EHD4: variants seen among roughly 807,000 people sequenced by gnomAD.
EHD4 encodes the protein EH domain containing 4, also known as EH domain-containing protein 4.
In EHD4, 37 loss-of-function variants were observed where a neutral mutation model predicts 51.0. The ratio of observed to expected loss-of-function variants is 0.73; its 90% CI spans 0.56 to 0.95. EHD4 has a LOEUF of 0.95. Ranked by LOEUF, EHD4 falls within the 40% of genes least tolerant of loss-of-function variation. EHD4 has a pLI of 0.00. For missense variants in EHD4, 632 were observed against 733.1 expected (o/e 0.86, Z 1.59); for synonymous variants, 297 against 317.3 (o/e 0.94, Z 0.68).
intron 5 of EHD4, among the ~76,000 whole-genome samples, chr15:41,907,870 G>GTGTGTA (rs1271170037): frequency 1.0e-4 from 11 of 107,694 alleles, no homozygotes; most frequent in Non-Finnish European, 2.0e-4. Context: ...GTGTGTGTGT[G>GTGTGTA]TATATATTTA....
chr15:41,951,294 C>T lies in EHD4; in HGVS notation c.413+2470G>A, dbSNP rs1032032500. ...CACATAAATGCCATATAATTATTTG[C>T]TATTATTTTTCTATATGTTATTCTG... On this transcript the variant is annotated intron_variant, in intron 2 of 5. Transcript: ENST00000220325. Among the ~76,000 whole-genome samples the T allele has an allele frequency of 2.6e-5, 4 of 152,254 alleles. No homozygotes were observed. The East Asian group carries it at 7.7e-4, about 29-fold the overall frequency.
intron 3 of EHD4, among the ~76,000 whole-genome samples, chr15:41,920,810 G>C (rs2067619788): frequency 6.6e-6 from 1 of 152,174 alleles, no homozygotes; most frequent in Non-Finnish European, 1.5e-5. Flanking sequence ...AGTTTCAAAA[G>C]GACATATACA....
At chr15:41,909,624 C>A in intron 5 of EHD4, 75 bp downstream of exon 5, 1 of 1,557,710 alleles carries the variant, frequency 6.4e-7, no homozygotes, top group Non-Finnish European at 8.8e-7. Context: ...TCTCATTTGT[C>A]TCCAGCAAAC....
At chr15:41,959,961 CA>C (rs575509600) in intron 1 of EHD4, among the ~76,000 whole-genome samples, 967 of 58,010 alleles carry the variant, frequency 0.017, 3 homozygotes, top group East Asian at 0.062. Flanking sequence ...GACTCCACCT[CA>C]AAAAAAAAAA....
At position 41,909,722 on chromosome 15, in the gene EHD4, A is replaced by G; in HGVS notation, c.1066T>C (p.Phe356Leu). The G allele has an allele frequency of 6.2e-7, 1 of 1,614,168 alleles. No homozygotes were observed. The highest frequency in any genetic ancestry group is 8.5e-7 in the Non-Finnish European group (1 of 1,180,032). ...ACCTGCATAGCCTTGACCTCAGGGA[A>G]GTCCCCTGCAGAAATCTGGTATTCT... is the stretch of plus-strand genomic sequence containing the variant. ...QREYQISAGD[F>L]PEVKAMQEQL... Residue 356 changes from phenylalanine (F) to leucine (L), a missense_variant, in exon 5 of 6, where the codon TTC becomes CTC. Phe to Leu is a conservative substitution (Grantham distance 22, BLOSUM62 0). Transcript: ENST00000220325.
Position 41,900,298 on chromosome 15 carries a change from T to C in EHD4, c.*347A>G. 3.7e-6 allele frequency: 1 copy of C among 267,166 alleles called. No individual in the cohort carries two copies. Among genetic ancestry groups the C allele is most frequent in the Non-Finnish European group, 7.1e-6 (1 of 141,834 alleles). The allele number at this position is 267,166 out of a possible 1,614,324, so 16.5% of individuals were successfully genotyped here. A position where few individuals can be genotyped will look rare whatever the true frequency, so the allele number is the denominator to read the frequency against. On this transcript the variant is annotated 3_prime_UTR_variant, in exon 6 of 6. Coordinates refer to ENST00000220325, the MANE Select transcript of EHD4 (RefSeq NM_139265.4). The surrounding 1 kb of genome is among the most constrained non-coding windows in gnomAD (Gnocchi z 4.8). ...AGGCAGCCTGGAGACCCAGCTGCTC[T>C]GGGTGAGCCTTAGCTCACTTCCTGT...
At chr15:41,905,817 G>A (rs963077713) in intron 5 of EHD4, among the ~76,000 whole-genome samples, 2 of 152,180 alleles carry the variant, frequency 1.3e-5, no homozygotes, top group African/African-American at 4.8e-5. Flanking sequence ...ACACAGGCAT[G>A]AGCCAACCAC....
rs748623835 is a variant in EHD4 at position 41,900,793 on chromosome 15, C to T, written c.1478G>A (p.Cys493Tyr). Residue 493 changes from cysteine to tyrosine, a missense_variant, in exon 6 of 6, where the codon TGC becomes TAC. By Grantham distance (194) the Cys-to-Tyr change is radical. Transcript: ENST00000220325. This position sits in a 1 kb window ranked among gnomAD's most constrained non-coding sequence, Gnocchi z 4.8. ...VLGKIWKLAD[C>Y]DCDGMLDEEE... ...CTCATCAAGCATGCCGTCGCAGTCGCAGTCGGCCAGCTTCCAGATCTTGCC... is the reference window on the plus strand; with the variant it reads ...CTCATCAAGCATGCCGTCGCAGTCGTAGTCGGCCAGCTTCCAGATCTTGCC... The T allele has an allele frequency of 1.2e-6, 2 of 1,614,208 alleles. No homozygotes were observed. Among genetic ancestry groups the T allele is most frequent in the South Asian group, 1.1e-5 (1 of 91,084 alleles).
chr15:41,950,288 G>A (rs895074505), intron 2 of EHD4, among the ~76,000 whole-genome samples: 4 of 152,192 alleles, frequency 2.6e-5, no homozygotes, highest in Admixed American at 6.5e-5. Flanking sequence ...GTATCACCTG[G>A]TACTTAACTC....
At chr15:41,923,803 G>A (rs1214407235) in intron 3 of EHD4, among the ~76,000 whole-genome samples, 2 of 152,196 alleles carry the variant, frequency 1.3e-5, no homozygotes, top group Non-Finnish European at 2.9e-5. Flanking sequence ...GTGCATCACA[G>A]GTCGAGGAAA....
intron 5 of EHD4, among the ~76,000 whole-genome samples, chr15:41,905,259 T>C (rs2067504873): frequency 1.3e-5 from 2 of 152,146 alleles, no homozygotes; most frequent in African/African-American, 4.8e-5. Context: ...CCTTGTTCCT[T>C]GGGGATTCTC....
chr15:41,900,938 C>T lies in EHD4; in HGVS notation c.1333G>A (p.Ala445Thr). The change falls in exon 6 of 6, where the codon GCC (alanine) becomes ACC (threonine). Residue 445 changes from alanine to threonine, a missense_variant. Coordinates refer to ENST00000220325, the MANE Select transcript of EHD4 (RefSeq NM_139265.4). The surrounding 1 kb of genome is among the most constrained non-coding windows in gnomAD (Gnocchi z 4.8). ...TCGTCGTAGACGGGCTTGTCTTTGG[C>T]CACGACCCACTCCTCCTCGTCGGCG... ...EGADEEEWVV[A>T]KDKPVYDELF... 2 of 1,613,950 alleles carry T rather than the reference C, an allele frequency of 1.2e-6. No homozygotes were observed. Among genetic ancestry groups the T allele is most frequent in the South Asian group, 1.1e-5 (1 of 91,060 alleles).
chr15:41,915,574 C>T (rs1299177661), intron 4 of EHD4, among the ~76,000 whole-genome samples: 1 of 152,202 alleles, frequency 6.6e-6, no homozygotes, highest in East Asian at 1.9e-4. Context: ...TGGGTGACAG[C>T]CTTTCCTATT....
intron 2 of EHD4, among the ~76,000 whole-genome samples, chr15:41,945,576 G>A (rs544048971): frequency 1.3e-3 from 205 of 152,360 alleles, no homozygotes; most frequent in Non-Finnish European, 2.6e-3. Context: ...TGCACAGCTG[G>A]ACTCTGCTCC....
At chr15:41,916,109 C>T (rs950159449) in intron 4 of EHD4, among the ~76,000 whole-genome samples, 4 of 152,220 alleles carry the variant, frequency 2.6e-5, no homozygotes, top group African/African-American at 9.6e-5. Flanking sequence ...TCAGACTTGA[C>T]ATCTCTTAGC....
intron 1 of EHD4, 51 bp downstream of exon 1, chr15:41,972,208 C>T (rs1423685460): frequency 7.0e-7 from 1 of 1,437,068 alleles, no homozygotes; most frequent in Admixed American, 2.3e-5. Flanking sequence ...GCGGCGCACA[C>T]GTGGGGAGGG....
At chr15:41,919,063 C>G in intron 4 of EHD4, 147 bp downstream of exon 4, 1 of 1,057,002 alleles carries the variant, frequency 9.5e-7, no homozygotes, top group Non-Finnish European at 1.4e-6. Context: ...AGCAGGGCCA[C>G]CTGACCTCGA....
intron 3 of EHD4, among the ~76,000 whole-genome samples, chr15:41,937,238 T>C: frequency 6.6e-6 from 1 of 152,206 alleles, no homozygotes; most frequent in Admixed American, 6.5e-5. Context: ...CATGGACCCA[T>C]GTTCCAGCCA....
chr15:41,935,822 G>A (rs901291250), intron 3 of EHD4, among the ~76,000 whole-genome samples: 2 of 152,138 alleles, frequency 1.3e-5, no homozygotes, highest in Non-Finnish European at 2.9e-5. Context: ...TTGGGTTCTC[G>A]CTTGGGGTCT....
Sources: gnomAD v4.1 joint callset for allele counts (sites outside exome capture counted in the v4.1 genomes callset) on GRCh38, gnomAD v4.1.1 for gene constraint, Gnocchi (gnomAD v3.1) non-coding constraint, MANE v1.5 for transcripts, NCBI Gene and HGNC (gene_info 2026-07-23, HGNC 2026-07-21) for gene names.